The following PDZD7 variants were observed in gnomAD, a reference collection of about 807,000 sequenced individuals.
PDZD7 encodes PDZ domain containing 7.
In PDZD7, 72 loss-of-function variants were observed where a neutral mutation model predicts 84.7. That is an observed-to-expected ratio of 0.85 (90% CI 0.70 to 1.03). The LOEUF (loss-of-function observed/expected upper bound fraction) is 1.03, where lower values mean the gene tolerates loss of function less well. Among genes scored for constraint, PDZD7 ranks in the 50% least tolerant of loss-of-function variants. The probability of loss-of-function intolerance (pLI) is 0.00; values close to 1 mark genes in which losing one functional copy is unlikely to be tolerated. For synonymous variants in PDZD7, 594 were observed against 580.7 expected (o/e 1.02, Z -0.33); for missense variants, 1,490 against 1,412.9 (o/e 1.05, Z -0.87).
At chr10:101,011,152 TGCCTCA>T in intron 14 of PDZD7, 1 of 973,148 alleles carries the variant, frequency 1.0e-6, no homozygotes. Flanking sequence ...GCGAGTCTCC[TGCCTCA>T]GCCTCCCGGA....
Position 101,010,325 on chromosome 10 carries a change from T to G in PDZD7, c.2564A>C (p.Asn855Thr), listed in dbSNP as rs807023. Residue 855 changes from asparagine (N) to threonine (T), a missense_variant, in exon 15 of 17, where the codon AAC becomes ACC. Asn to Thr is a moderately conservative substitution (Grantham distance 65). Transcript: ENST00000619208. Reference protein sequence around the residue: ...EGTAKEAAMKNPSGELKTVTL... With the variant: ...EGTAKEAAMKTPSGELKTVTL... ...CACTGTCTTCAGCTCGCCACTGGGG[T>G]TCTTCATGGCTGCCTCCTTGGCCGT... The G allele has an allele frequency of 0.83, 1,281,360 of 1,535,802 alleles. 535,835 individuals are homozygous for G. The highest frequency in any genetic ancestry group is 0.85 in the Non-Finnish European group (974,285 of 1,146,648).
At chr10:101,015,336 C>T (rs182695359) in intron 11 of PDZD7, among the ~76,000 whole-genome samples, 39 of 152,332 alleles carry the variant, frequency 2.6e-4, no homozygotes, top group African/African-American at 8.9e-4. Context: ...CCTCCCAGCC[C>T]ACACCATCTA....
In PDZD7 at chr10:101,018,160, C is replaced by A. The variant is rs753032741; in HGVS notation, c.1461G>T (p.Glu487Asp). The part of the protein sequence containing the change: ...QGRLARDGRR[E>D]AWTLDSGSLA... ...GGCTCCCGCTGTCCAGTGTCCAGGC[C>A]TCTCTGCGCCCGTCCCGCGCTAGCC... The change falls in exon 9 of 17, where the codon GAG (glutamate) becomes GAT (aspartate). Residue 487 changes from glutamate to aspartate, a missense_variant. Transcript: ENST00000619208. The A allele has an allele frequency of 5.6e-6, 9 of 1,614,242 alleles. No homozygotes were observed. In the East Asian group the frequency reaches 1.8e-4, roughly 32 times the overall value.
Position 101,010,850 on chromosome 10 carries a change from T to C in PDZD7, c.2039A>G (p.Asn680Ser). The C allele has an allele frequency of 6.5e-7, 1 of 1,534,518 alleles. No homozygotes were observed. The highest frequency in any genetic ancestry group is 1.4e-5 in the African/African-American group (1 of 73,074). ...SRGGFYLLPV[N>S]GFPEEEDNGE... ...ATTATCTTCCTCTTCCGGGAAGCCG[T>C]TCACCGGCAGCAGGTAGAAGCCTCC... Residue 680 changes from asparagine (N) to serine (S), a missense_variant, in exon 15 of 17, where the codon AAC becomes AGC. Coordinates refer to ENST00000619208, the MANE Select transcript of PDZD7 (RefSeq NM_001195263.2).
intron 11 of PDZD7, 139 bp from the exon 12 acceptor site, chr10:101,012,397 C>T (rs1176266857): frequency 4.5e-5 from 33 of 731,860 alleles, no homozygotes; most frequent in Non-Finnish European, 7.5e-5. Context: ...AGGTTCACTC[C>T]ACCCCCAGCT....
Position 101,009,273 on chromosome 10 carries a change from C to T in PDZD7, c.2695G>A (p.Ala899Thr), listed in dbSNP as rs911911177. 3.9e-6 allele frequency: 6 copies of T among 1,535,754 alleles called. No individual in the cohort carries two copies. Among genetic ancestry groups the T allele is most frequent in the African/African-American group, 2.7e-5 (2 of 73,014 alleles). ...ACCTGCAGGGCCCCACTGAGGAAAGCGGCCCCCCCAGGGAAGATCTTCTCT... is the reference window on the plus strand; with the variant it reads ...ACCTGCAGGGCCCCACTGAGGAAAGTGGCCCCCCCAGGGAAGATCTTCTCT... ...KIEKIFPGGA[A>T]FLSGALQAGF... The change falls in exon 16 of 17, where the codon GCT becomes ACT. Residue 899 changes from alanine (A) to threonine (T), a missense_variant. By Grantham distance (58) the Ala-to-Thr change is moderately conservative (BLOSUM62 0). Transcript: ENST00000619208.
chr10:101,017,710 T>A (rs1590055685), intron 9 of PDZD7: 2 of 654,612 alleles, frequency 3.1e-6, no homozygotes. Flanking sequence ...CGCTTGAGCG[T>A]GGGAGGCGCA....
rs754527844 is a variant in PDZD7, at chr10:101,022,277, G to A, written c.651C>T (p.Ser217=). The A allele has an allele frequency of 8.1e-6, 13 of 1,614,104 alleles. No homozygotes were observed. The highest frequency in any genetic ancestry group is 7.7e-5 in the South Asian group (7 of 91,088). Residue 217 remains serine, a synonymous_variant, in exon 5 of 17, where the codon TCC becomes TCT. Coordinates refer to ENST00000619208, the MANE Select transcript of PDZD7 (RefSeq NM_001195263.2). ...TGTTGAAGCCCAGGCAGAAGTCGTC[G>A]GAGGTTGTGTATAGGTGGACGATGC... is the stretch of plus-strand genomic sequence containing the variant. ...VRRIVHLYTT[S]DDFCLGFNIR...
chr10:101,012,296 G>T (rs1392728591), intron 11 of PDZD7, 38 bp from the exon 12 acceptor site: 8 of 1,492,540 alleles, frequency 5.4e-6, no homozygotes, highest in African/African-American at 1.4e-5. Flanking sequence ...CAGCAGTGGG[G>T]GCTTCCAGAG....
rs1314656659 is a variant in PDZD7 at position 101,018,173 on chromosome 10, T to A, written c.1448A>T (p.Asp483Val). 3 of 1,614,086 alleles carry A rather than the reference T, an allele frequency of 1.9e-6. No individual in the cohort carries two copies. Among genetic ancestry groups the A allele is most frequent in the African/African-American group, 1.3e-5 (1 of 74,920 alleles). Residue 483 changes from aspartate to valine, a missense_variant, in exon 9 of 17, where the codon GAC (aspartate) becomes GTC (valine). Coordinates refer to ENST00000619208, the MANE Select transcript of PDZD7 (RefSeq NM_001195263.2). ...CAGTGTCCAGGCCTCTCTGCGCCCG[T>A]CCCGCGCTAGCCTCCCCTGCCGCCC... The part of the protein sequence containing the change: ...KGGRQGRLAR[D>V]GRREAWTLDS...
intron 2 of PDZD7, among the ~76,000 whole-genome samples, chr10:101,026,417 G>A (rs979772149): frequency 6.7e-6 from 1 of 150,128 alleles, no homozygotes. Context: ...TTACAGGTGT[G>A]AGCCACCTTG....
At chr10:101,023,828 G>T in intron 3 of PDZD7, 100 bp downstream of exon 3, 1 of 1,587,632 alleles carries the variant, frequency 6.3e-7, no homozygotes, top group Non-Finnish European at 8.6e-7. Context: ...CTCCAGAGCT[G>T]GGGACTCTTC....
chr10:101,010,193 C>G (rs539021909), intron 15 of PDZD7, 79 bp downstream of exon 15: 2 of 1,446,666 alleles, frequency 1.4e-6, no homozygotes, highest in South Asian at 2.9e-5. Context: ...CTGCGCCTGG[C>G]CCAATACTCC....
chr10:101,011,819 G>A, intron 13 of PDZD7, 58 bp from the exon 14 acceptor site: 1 of 1,550,460 alleles, frequency 6.4e-7, no homozygotes. Flanking sequence ...CCGGGACGGA[G>A]GCAGCTCAAG....
chr10:101,009,043 TC>T (rs1852307448), intron 16 of PDZD7, among the ~76,000 whole-genome samples, 193 bp from the exon 17 acceptor site: 1 of 152,244 alleles, frequency 6.6e-6, no homozygotes, highest in African/African-American at 2.4e-5. Flanking sequence ...GGGCTCTTTG[TC>T]CCTTGGGGCT....
chr10:101,018,188 C>G lies in PDZD7; in HGVS notation c.1433G>C (p.Gly478Ala). The change falls in exon 9 of 17, where the codon GGG becomes GCG. Residue 478 changes from glycine (G) to alanine (A), a missense_variant. Gly to Ala is a moderately conservative substitution (Grantham distance 60). Coordinates refer to ENST00000619208, the MANE Select transcript of PDZD7 (RefSeq NM_001195263.2). Reference protein sequence around the residue: ...MNLFFKGGRQGRLARDGRREA... With the variant: ...MNLFFKGGRQARLARDGRREA... ...TCTGCGCCCGTCCCGCGCTAGCCTCCCCTGCCGCCCTCCCTTGAAGAAGAG... is the reference window on the plus strand; with the variant it reads ...TCTGCGCCCGTCCCGCGCTAGCCTCGCCTGCCGCCCTCCCTTGAAGAAGAG... The G allele has an allele frequency of 1.2e-6, 2 of 1,614,246 alleles. No homozygotes were observed. Among genetic ancestry groups the G allele is most frequent in the Non-Finnish European group, 1.7e-6 (2 of 1,180,052 alleles).
chr10:101,018,459 C>A (rs1277794962), intron 8 of PDZD7, among the ~76,000 whole-genome samples, 163 bp from the exon 9 acceptor site: 1 of 152,184 alleles, frequency 6.6e-6, no homozygotes, highest in Non-Finnish European at 1.5e-5. Flanking sequence ...CTTTCTGACC[C>A]TTTTCCCCAC....
intron 2 of PDZD7, among the ~76,000 whole-genome samples, chr10:101,028,369 C>A (rs1328256463): frequency 6.6e-6 from 1 of 152,204 alleles, no homozygotes; most frequent in Non-Finnish European, 1.5e-5. Flanking sequence ...CGGAAGATCA[C>A]TTGAGCCTAG....
chr10:101,011,892 C>T, intron 13 of PDZD7, 33 bp downstream of exon 13: 1 of 1,549,628 alleles, frequency 6.5e-7, no homozygotes, highest in Non-Finnish European at 8.7e-7. Context: ...CAGCAGGGCT[C>T]AGGACCCAGA....
Sources: allele counts gnomAD v4.1 joint callset (sites outside exome capture counted in the v4.1 genomes callset), GRCh38; gene constraint gnomAD v4.1.1; transcripts MANE v1.5; gene names NCBI Gene and HGNC (gene_info 2026-07-23, HGNC 2026-07-21).